The following NUBPL variants were observed in gnomAD, a reference collection of about 807,000 sequenced individuals.
NUBPL encodes iron-sulfur cluster transfer protein NUBPL.
A neutral mutation model predicts 45.7 loss-of-function variants in NUBPL; 31 were observed. The observed-to-expected ratio is 0.68, with a 90% CI of 0.51 to 0.92. NUBPL has a LOEUF of 0.92. Among genes scored for constraint, NUBPL ranks in the 40% least tolerant of loss-of-function variants. The pLI, the probability that NUBPL is intolerant of heterozygous loss-of-function variation, is 0.00. For missense variants in NUBPL, 401 were observed against 398.7 expected (o/e 1.01, Z -0.05); for synonymous variants, 144 against 140.9 (o/e 1.02, Z -0.15).
chr14:31,674,863 G>A (rs1025447283), intron 6 of NUBPL, among the ~76,000 whole-genome samples: 1 of 152,136 alleles, frequency 6.6e-6, no homozygotes, highest in Non-Finnish European at 1.5e-5. Context: ...TTGGTTAGGT[G>A]TGGTGGCTCA....
rs564904630 is a variant in NUBPL, at chr14:31,659,336, C to T, written c.383-14019C>T. ...TGACATATAGTTTTCATCTTAAATA[C>T]CAACTGACTACCTGGGACATAATGT... On this transcript the variant is annotated intron_variant, in intron 4 of 10. Coordinates refer to ENST00000281081, the MANE Select transcript of NUBPL (RefSeq NM_025152.3). Among the ~76,000 whole-genome samples the T allele has an allele frequency of 2.0e-5, 3 of 152,232 alleles. No individual in the cohort carries two copies. The East Asian group carries it at 5.8e-4, about 29-fold the overall frequency.
chr14:31,704,122 G>A (rs2037396033), intron 6 of NUBPL, among the ~76,000 whole-genome samples: 1 of 152,142 alleles, frequency 6.6e-6, no homozygotes, highest in African/African-American at 2.4e-5. Flanking sequence ...TGCTGACAGA[G>A]GGGTGGTGTT....
chr14:31,657,711 C>T (rs764447927), intron 4 of NUBPL, among the ~76,000 whole-genome samples: 1 of 152,114 alleles, frequency 6.6e-6, no homozygotes, highest in Admixed American at 6.6e-5. Context: ...TTTCTTATCT[C>T]AGTATGTCAT....
intron 7 of NUBPL, among the ~76,000 whole-genome samples, chr14:31,798,564 G>A (rs1387919346): frequency 4.0e-5 from 6 of 151,244 alleles, no homozygotes; most frequent in Non-Finnish European, 8.9e-5. Context: ...AGGCCGAGGC[G>A]GGTGGATCAT....
At chr14:31,634,916 G>A (rs1171619614) in intron 4 of NUBPL, among the ~76,000 whole-genome samples, 7 of 142,872 alleles carry the variant, frequency 4.9e-5, no homozygotes, top group Non-Finnish European at 7.4e-5. Flanking sequence ...CATATCCTTC[G>A]CCCACTTTTT....
chr14:31,608,727 G>A (rs1480148379), intron 4 of NUBPL, among the ~76,000 whole-genome samples: 2 of 152,138 alleles, frequency 1.3e-5, no homozygotes, highest in African/African-American at 4.8e-5. Context: ...TCTAGACTTA[G>A]AATCTAATGC....
intron 4 of NUBPL, among the ~76,000 whole-genome samples, chr14:31,616,640 T>G (rs980162901): frequency 6.6e-6 from 1 of 152,190 alleles, no homozygotes; most frequent in African/African-American, 2.4e-5. Flanking sequence ...TATATCTGTT[T>G]TGGTAGCAGT....
At chr14:31,603,487 A>C (rs372910335) in intron 4 of NUBPL, among the ~76,000 whole-genome samples, 26 of 152,090 alleles carry the variant, frequency 1.7e-4, no homozygotes, top group African/African-American at 4.3e-4. Context: ...AGAGAAAATG[A>C]CTATATTTAC....
In NUBPL at chr14:31,636,282, T is replaced by C. The variant is rs540683076; in HGVS notation, c.382+36903T>C. Among the ~76,000 whole-genome samples the C allele has an allele frequency of 4.2e-3, 637 of 152,084 alleles. 4 individuals are homozygous for C. Among genetic ancestry groups the C allele is most frequent in the African/African-American group, 0.015 (615 of 41,446 alleles). ...TACGTCCCATCAATACCTAATTTAT[T>C]GAGAGTTTTTAGCATGAAGCGTTGT... On this transcript the variant is annotated intron_variant, in intron 4 of 10. Coordinates refer to ENST00000281081, the MANE Select transcript of NUBPL (RefSeq NM_025152.3).
intron 7 of NUBPL, among the ~76,000 whole-genome samples, chr14:31,810,375 C>T (rs2039777331): frequency 6.6e-6 from 1 of 152,118 alleles, no homozygotes; most frequent in African/African-American, 2.4e-5. Flanking sequence ...TATGTAATGG[C>T]CGTCTTTGTT....
intron 6 of NUBPL, among the ~76,000 whole-genome samples, chr14:31,756,308 G>T (rs999721832): frequency 4.6e-5 from 7 of 152,080 alleles, no homozygotes; most frequent in Non-Finnish European, 7.4e-5. Flanking sequence ...TCATTTTCAC[G>T]ATATTGATTC....
intron 7 of NUBPL, among the ~76,000 whole-genome samples, chr14:31,818,559 C>CTTTTTTCTTTTTTTT (rs1218136103): frequency 8.2e-4 from 124 of 151,116 alleles, no homozygotes; most frequent in African/African-American, 2.9e-3. Context: ...TTCTTTTTTT[C>CTTTTTTCTTTTTTTT]TTTTTGAGTT....
At chr14:31,807,995 T>G (rs1178699345) in intron 7 of NUBPL, among the ~76,000 whole-genome samples, 1 of 152,328 alleles carries the variant, frequency 6.6e-6, no homozygotes, top group East Asian at 1.9e-4. Context: ...TCTGTTTTGG[T>G]ACCAGTACCA....
At chr14:31,648,382 A>G (rs1461357052) in intron 4 of NUBPL, among the ~76,000 whole-genome samples, 2 of 152,252 alleles carry the variant, frequency 1.3e-5, no homozygotes. Context: ...CTCTCCTGGA[A>G]GAAGCGCCTA....
At chr14:31,745,541 G>T (rs746739741) in intron 6 of NUBPL, among the ~76,000 whole-genome samples, 2 of 152,056 alleles carry the variant, frequency 1.3e-5, no homozygotes, top group South Asian at 2.1e-4. Context: ...TGATCCACCC[G>T]CCTTGGCCTC....
chr14:31,604,207 G>C (rs930081529), intron 4 of NUBPL, among the ~76,000 whole-genome samples: 2 of 145,836 alleles, frequency 1.4e-5, no homozygotes, highest in South Asian at 4.5e-4. Context: ...CACTTTCTCT[G>C]TTGACAGGCT....
chr14:31,800,103 A>G (rs994925759), intron 7 of NUBPL, among the ~76,000 whole-genome samples: 2 of 152,194 alleles, frequency 1.3e-5, no homozygotes, highest in African/African-American at 2.4e-5. Context: ...TTATCTGTTC[A>G]GGTTTGATAA....
intron 4 of NUBPL, among the ~76,000 whole-genome samples, chr14:31,617,609 C>T (rs1229400773): frequency 6.6e-6 from 1 of 152,206 alleles, no homozygotes; most frequent in East Asian, 1.9e-4. Context: ...ACCAGCCTTG[C>T]ATCTCAGGGA....
chr14:31,755,472 G>GT (rs1232062148), intron 6 of NUBPL, among the ~76,000 whole-genome samples: 1 of 152,178 alleles, frequency 6.6e-6, no homozygotes, highest in Non-Finnish European at 1.5e-5. Flanking sequence ...TTTTTCATGT[G>GT]TTTTTTGGCT....
Sources: allele counts gnomAD v4.1 joint callset (sites outside exome capture counted in the v4.1 genomes callset), GRCh38; gene constraint gnomAD v4.1.1; transcripts MANE v1.5; gene names NCBI Gene and HGNC (gene_info 2026-07-23, HGNC 2026-07-21).